Variants in LRBA observed in about 807,000 individuals in gnomAD.
LRBA encodes LPS responsive beige-like anchor protein.
Under a neutral mutation model 330.0 loss-of-function variants are expected in LRBA, and 176 were observed. The ratio of observed to expected loss-of-function variants is 0.53; its 90% CI spans 0.47 to 0.60. The LOEUF (loss-of-function observed/expected upper bound fraction) is 0.60, where lower values mean the gene tolerates loss of function less well. LRBA is among the 20% of genes least tolerant of loss of function. LRBA has a pLI of 0.00. For synonymous variants in LRBA, 1,230 were observed against 1,193.0 expected, an observed-to-expected ratio of 1.03 and a Z score of -0.64; for missense variants, 3,259 against 3,444.8, an observed-to-expected ratio of 0.95 and a Z score of 1.35.
intron 47 of LRBA, among the ~76,000 whole-genome samples, chr4:150,396,482 A>T (rs1308156992): frequency 2.0e-5 from 3 of 149,176 alleles, no homozygotes; most frequent in Admixed American, 1.3e-4. Context: ...ATCTCATCTC[A>T]CACACACACA....
chr4:150,393,929 G>A (rs972734450), intron 47 of LRBA, among the ~76,000 whole-genome samples: 1 of 152,170 alleles, frequency 6.6e-6, no homozygotes, highest in Non-Finnish European at 1.5e-5. Context: ...ATAAAGAGTA[G>A]GTCAACATGT....
intron 33 of LRBA, among the ~76,000 whole-genome samples, chr4:150,798,837 T>C (rs1034763692): frequency 1.3e-5 from 2 of 152,286 alleles, no homozygotes; most frequent in African/African-American, 2.4e-5. Flanking sequence ...AACAAAGCAA[T>C]GCCAATAATT....
Position 150,905,838 on chromosome 4 carries a change from C to T in LRBA, c.1755G>A (p.Lys585=). The stretch of plus-strand genomic sequence containing the variant: ...ATATCAATATATAGATATATATTAC[C>T]TTGGCTGGGGTATGAATCCATATGG... ...NPAIWIHTPA[K]VQLMLYTYLS... is the part of the protein sequence containing the mutation. The change falls in exon 13 of 57, where the codon AAG becomes AAA. Residue 585 remains lysine, a splice_region_variant and synonymous_variant. Transcript: ENST00000651943. 1.2e-6 allele frequency: 2 copies of T among 1,610,786 alleles called. No homozygotes were observed. The highest frequency in any genetic ancestry group is 8.5e-7 in the Non-Finnish European group (1 of 1,177,962).
intron 40 of LRBA, among the ~76,000 whole-genome samples, chr4:150,528,003 T>G (rs1264451748): frequency 6.6e-6 from 1 of 152,238 alleles, no homozygotes; most frequent in African/African-American, 2.4e-5. Context: ...CCTTTCTTTT[T>G]AAACTATGTA....
chr4:151,014,669 A>C lies in LRBA; in HGVS notation c.-27T>G. 2.0e-6 allele frequency: 3 copies of C among 1,525,592 alleles called. No homozygotes were observed. The highest frequency in any genetic ancestry group is 2.7e-6 in the Non-Finnish European group (3 of 1,117,178). The allele number at this position is 1,525,592 out of a possible 1,614,324, so 94.5% of individuals were successfully genotyped here. ...GCTAGCTCACGATAAAGGACAACTC[A>C]GAGTCACCCTGGGACGGCAGTCGCT... On this transcript the variant is annotated 5_prime_UTR_variant, in exon 2 of 57. Coordinates refer to ENST00000651943, the MANE Select transcript of LRBA (RefSeq NM_001364905.1).
At chr4:150,991,204 T>C (rs920121402) in intron 2 of LRBA, among the ~76,000 whole-genome samples, 15 of 152,076 alleles carry the variant, frequency 9.9e-5, no homozygotes, top group African/African-American at 3.4e-4. Context: ...ACACTGATAA[T>C]ACCAAGTGCT....
chr4:150,742,680 G>T (rs1732177671), intron 35 of LRBA, among the ~76,000 whole-genome samples: 1 of 152,008 alleles, frequency 6.6e-6, no homozygotes, highest in Non-Finnish European at 1.5e-5. Flanking sequence ...TGAGCCCCAG[G>T]AGTTTGAGAC....
intron 37 of LRBA, among the ~76,000 whole-genome samples, chr4:150,602,843 A>G (rs763132220): frequency 2.6e-5 from 4 of 152,234 alleles, no homozygotes; most frequent in African/African-American, 4.8e-5. Context: ...TGGTACGATC[A>G]GCAAAATTTA....
chr4:150,913,389 C>A (rs766554074), intron 9 of LRBA, among the ~76,000 whole-genome samples: 5 of 152,148 alleles, frequency 3.3e-5, no homozygotes, highest in Non-Finnish European at 7.4e-5. Flanking sequence ...ATTGCTTGAA[C>A]CCAGGAGGTG....
intron 36 of LRBA, among the ~76,000 whole-genome samples, chr4:150,702,792 A>G (rs1785239852): frequency 6.6e-6 from 1 of 152,200 alleles, no homozygotes; most frequent in Non-Finnish European, 1.5e-5. Context: ...TCAACCCTTA[A>G]AAAAAATCCA....
chr4:150,412,897 G>A (rs1326818626), intron 47 of LRBA, among the ~76,000 whole-genome samples: 7 of 150,272 alleles, frequency 4.7e-5, no homozygotes, highest in Admixed American at 1.3e-4. Context: ...TTTTTAAATC[G>A]TGATTCAAAA....
At chr4:150,380,172 T>G (rs535595603) in intron 47 of LRBA, among the ~76,000 whole-genome samples, 1 of 147,450 alleles carries the variant, frequency 6.8e-6, no homozygotes, top group Non-Finnish European at 1.5e-5. Context: ...AGAGTGAAAC[T>G]CTGTCTCAAA....
At chr4:150,278,097 G>T in intron 55 of LRBA, 93 bp from the exon 56 acceptor site, 1 of 1,045,178 alleles carries the variant, frequency 9.6e-7, no homozygotes. Flanking sequence ...CAGCTACTAC[G>T]GTGCAGAGAG....
At chr4:150,457,419 A>C (rs1310156826) in intron 44 of LRBA, among the ~76,000 whole-genome samples, 1 of 152,066 alleles carries the variant, frequency 6.6e-6, no homozygotes, top group Non-Finnish European at 1.5e-5. Context: ...CTTAACAATT[A>C]TTTGAACAAA....
chr4:150,268,268 G>C (rs1215232110), intron 56 of LRBA, among the ~76,000 whole-genome samples: 1 of 152,076 alleles, frequency 6.6e-6, no homozygotes, highest in Non-Finnish European at 1.5e-5. Context: ...GACAAGTGAA[G>C]AGATTGAATC....
chr4:150,796,359 CT>C (rs1431649608), intron 34 of LRBA, among the ~76,000 whole-genome samples: 1 of 151,966 alleles, frequency 6.6e-6, no homozygotes, highest in African/African-American at 2.4e-5. Flanking sequence ...CTGTATACAT[CT>C]GGAGCTAATT....
chr4:150,794,621 C>G (rs947959233), intron 34 of LRBA, among the ~76,000 whole-genome samples: 1 of 151,776 alleles, frequency 6.6e-6, no homozygotes, highest in Admixed American at 6.6e-5. Context: ...ATGACCAAAC[C>G]TTATATCATT....
intron 50 of LRBA, among the ~76,000 whole-genome samples, chr4:150,315,876 T>C (rs1731658027): frequency 6.6e-6 from 1 of 152,184 alleles, no homozygotes; most frequent in South Asian, 2.1e-4. Context: ...TAGCAGATGC[T>C]TGACTGGCAA....
chr4:150,360,143 T>G (rs1280858937), intron 47 of LRBA, among the ~76,000 whole-genome samples: 3 of 151,978 alleles, frequency 2.0e-5, no homozygotes, highest in Non-Finnish European at 2.9e-5. Flanking sequence ...GTAGCCACAT[T>G]TTTTTAATTT....
Sources: allele counts gnomAD v4.1 joint callset (sites outside exome capture counted in the v4.1 genomes callset), GRCh38; gene constraint gnomAD v4.1.1; transcripts MANE v1.5; gene names NCBI Gene and HGNC (gene_info 2026-07-23, HGNC 2026-07-21).